PGM5: variants seen among roughly 807,000 people sequenced by gnomAD.
The protein encoded by PGM5 is phosphoglucomutase-like protein 5.
Under a neutral mutation model 59.2 loss-of-function variants are expected in PGM5, and 23 were observed. That is an observed-to-expected ratio of 0.39 (90% CI 0.28 to 0.55). The LOEUF is 0.55. Among genes scored for constraint, PGM5 ranks in the 20% least tolerant of loss-of-function variants. The probability of loss-of-function intolerance (pLI) is 0.66; values close to 1 mark genes in which losing one functional copy is unlikely to be tolerated. For missense variants in PGM5, 574 were observed against 748.3 expected (o/e 0.77, Z 2.72); for synonymous variants, 214 against 286.0 (o/e 0.75, Z 2.54).
At chr9:68,426,020 A>T (rs1309347810) in intron 6 of PGM5, among the ~76,000 whole-genome samples, 1 of 152,176 alleles carries the variant, frequency 6.6e-6, no homozygotes, top group African/African-American at 2.4e-5. Context: ...AAACCTCTTT[A>T]TGCTGCTTTA....
intron 10 of PGM5, among the ~76,000 whole-genome samples, chr9:68,500,005 C>T (rs1233675362): frequency 6.6e-6 from 1 of 152,182 alleles, no homozygotes; most frequent in African/African-American, 2.4e-5. Context: ...TTAATTAATA[C>T]CAGAAATGAC....
chr9:68,524,111 G>C (rs1439182272), intron 10 of PGM5, among the ~76,000 whole-genome samples: 1 of 152,106 alleles, frequency 6.6e-6, no homozygotes, highest in Non-Finnish European at 1.5e-5. Flanking sequence ...GTATGGACAA[G>C]TTAAAACCTA....
intron 10 of PGM5, among the ~76,000 whole-genome samples, chr9:68,506,076 T>C (rs531213813): frequency 7.9e-5 from 12 of 152,372 alleles, no homozygotes; most frequent in African/African-American, 2.9e-4. Context: ...TATTTGTTAT[T>C]CCACACTGTT....
In PGM5 at chr9:68,383,694, C is replaced by CAAAA. The variant is rs71353049; in HGVS notation, c.425-693_425-690dup. On this transcript the variant is annotated intron_variant, in intron 2 of 10. Coordinates refer to ENST00000396396, the MANE Select transcript of PGM5 (RefSeq NM_021965.4). ...ACTTATTTGTTTCTCAACCTTGTTG[C>CAAAA]AAAAAAAAAAAAAATCTGAAATGGC... Among the ~76,000 whole-genome samples the CAAAA allele has an allele frequency of 1.2e-3, 120 of 99,412 alleles. 3 individuals are homozygous for CAAAA. In the South Asian group the frequency reaches 0.032, roughly 27 times the overall value. The allele number at this position is 99,412 out of a possible 152,430, so 65.2% of individuals were successfully genotyped here. A position where few individuals can be genotyped will look rare whatever the true frequency, so the allele number is the denominator to read the frequency against.
At chr9:68,481,595 T>C (rs1824197732) in intron 8 of PGM5, among the ~76,000 whole-genome samples, 1 of 152,242 alleles carries the variant, frequency 6.6e-6, no homozygotes, top group African/African-American at 2.4e-5. Context: ...CCTCATAATT[T>C]GTGGAATGAT....
At chr9:68,373,255 C>T (rs1821787164) in intron 1 of PGM5, among the ~76,000 whole-genome samples, 1 of 148,990 alleles carries the variant, frequency 6.7e-6, no homozygotes, top group Admixed American at 6.8e-5. Flanking sequence ...TCCTCCAGTA[C>T]TTATCCCCCA....
chr9:68,408,221 A>G (rs1453953907), intron 6 of PGM5, among the ~76,000 whole-genome samples: 2 of 152,228 alleles, frequency 1.3e-5, no homozygotes, highest in Non-Finnish European at 2.9e-5. Flanking sequence ...GTTTGGATTT[A>G]AAGAGGAAAT....
chr9:68,384,581 T>C, intron 3 of PGM5, 37 bp downstream of exon 3: 4 of 1,442,364 alleles, frequency 2.8e-6, no homozygotes, highest in Non-Finnish European at 3.9e-6. Flanking sequence ...TCAGAGTAAC[T>C]ATGTGGATGG....
At chr9:68,528,129 C>A (rs1486042527) in intron 10 of PGM5, among the ~76,000 whole-genome samples, 4 of 152,192 alleles carry the variant, frequency 2.6e-5, no homozygotes, top group African/African-American at 9.7e-5. Flanking sequence ...AAAATGCAAG[C>A]CTTCTTTTCC....
intron 9 of PGM5, among the ~76,000 whole-genome samples, chr9:68,491,035 G>A (rs782484845): frequency 2.0e-5 from 3 of 152,170 alleles, no homozygotes; most frequent in Non-Finnish European, 4.4e-5. Context: ...ATATGGTGAA[G>A]GTTGTTAGAG....
intron 7 of PGM5, among the ~76,000 whole-genome samples, chr9:68,466,831 T>C (rs889430895): frequency 1.3e-4 from 20 of 152,188 alleles, no homozygotes; most frequent in African/African-American, 4.6e-4. Flanking sequence ...TAACACAAAA[T>C]ACAGTTCTAT....
At chr9:68,374,288 A>G (rs1318262320) in intron 1 of PGM5, among the ~76,000 whole-genome samples, 1 of 152,260 alleles carries the variant, frequency 6.6e-6, no homozygotes, top group Admixed American at 6.5e-5. Context: ...CTATATCAGA[A>G]GGTTCTTCCA....
chr9:68,433,229 G>A (rs921747920), intron 6 of PGM5, among the ~76,000 whole-genome samples: 13 of 152,158 alleles, frequency 8.5e-5, no homozygotes, highest in African/African-American at 2.4e-4. Flanking sequence ...GGATTCTGTC[G>A]CTGTTTAGTT....
intron 9 of PGM5, among the ~76,000 whole-genome samples, chr9:68,485,059 G>T (rs143412273): frequency 1.3e-5 from 2 of 152,260 alleles, no homozygotes; most frequent in African/African-American, 2.4e-5. Context: ...GGTCTAATCC[G>T]CACTCAGTTA....
intron 1 of PGM5, among the ~76,000 whole-genome samples, chr9:68,372,959 A>G (rs1272863935): frequency 2.6e-5 from 4 of 151,622 alleles, no homozygotes; most frequent in Non-Finnish European, 4.4e-5. Context: ...TGATCCAAAC[A>G]CCTCTCACTG....
intron 6 of PGM5, among the ~76,000 whole-genome samples, chr9:68,393,124 T>C (rs1248611152): frequency 6.6e-6 from 1 of 151,960 alleles, no homozygotes; most frequent in Non-Finnish European, 1.5e-5. Context: ...TTATAAAACA[T>C]TGAATTTCAG....
chr9:68,474,736 G>A (rs1380916019), intron 7 of PGM5, among the ~76,000 whole-genome samples: 1 of 151,572 alleles, frequency 6.6e-6, no homozygotes, highest in Non-Finnish European at 1.5e-5. Flanking sequence ...AAGGCAAGGT[G>A]AGTGGTACTT....
intron 10 of PGM5, among the ~76,000 whole-genome samples, chr9:68,500,736 C>T (rs945020155): frequency 7.2e-5 from 11 of 152,180 alleles, no homozygotes; most frequent in East Asian, 1.9e-4. Context: ...GAGCTACGTA[C>T]GTGAGGAATG....
Position 68,500,719 on chromosome 9 carries a change from A to G in PGM5, c.1614+1358A>G, listed in dbSNP as rs189592020. ...GAGGGAGATTAAAGCAGGGGCCTAA[A>G]AGTCCAGAGCTACGTACGTGAGGAA... On this transcript the variant is annotated intron_variant, in intron 10 of 10. Coordinates refer to ENST00000396396, the MANE Select transcript of PGM5 (RefSeq NM_021965.4). Among the ~76,000 whole-genome samples, 225 of 152,314 alleles carry G rather than the reference A, an allele frequency of 1.5e-3. 1 individual carries two copies. Among genetic ancestry groups the G allele is most frequent in the Non-Finnish European group, 2.2e-3 (149 of 68,016 alleles).
Sources: allele counts gnomAD v4.1 joint callset (sites outside exome capture counted in the v4.1 genomes callset), GRCh38; gene constraint gnomAD v4.1.1; transcripts MANE v1.5; gene names NCBI Gene and HGNC (gene_info 2026-07-23, HGNC 2026-07-21).